RNF220: variants seen among roughly 807,000 people sequenced by gnomAD.
The protein encoded by RNF220 is ring finger protein 220.
RNF220 carries 7 observed loss-of-function variants against 67.1 expected under a neutral mutation model. That is an observed-to-expected ratio of 0.10 (90% confidence interval 0.06 to 0.20). The LOEUF (loss-of-function observed/expected upper bound fraction) is 0.20, where lower values mean the gene tolerates loss of function less well. Among genes scored for constraint, RNF220 ranks in the 10% least tolerant of loss-of-function variants. The pLI is 1.00. For missense variants in RNF220, 565 were observed against 740.3 expected, an observed-to-expected ratio of 0.76 and a Z score of 2.75; for synonymous variants, 270 against 283.2, an observed-to-expected ratio of 0.95 and a Z score of 0.47.
chr1:44,632,434 TC>T, intron 6 of RNF220, 49 bp downstream of exon 6: 3 of 978,300 alleles, frequency 3.1e-6, no homozygotes, highest in Non-Finnish European at 3.8e-6. Flanking sequence ...GCCTCCTCCC[TC>T]CCTCCCTCAC....
At chr1:44,642,189 G>T (rs990515289) in intron 8 of RNF220, among the ~76,000 whole-genome samples, 2 of 152,196 alleles carry the variant, frequency 1.3e-5, no homozygotes, top group Non-Finnish European at 2.9e-5. Context: ...TATGATTTTG[G>T]AGTTACACAG....
intron 5 of RNF220, among the ~76,000 whole-genome samples, chr1:44,628,879 G>A (rs77206682): frequency 0.23 from 34,828 of 152,072 alleles, 5,220 homozygotes; most frequent in Middle Eastern, 0.33. Context: ...GTGTGTCCTG[G>A]TTATTGCCCC....
At chr1:44,525,192 A>G (rs1306497996) in intron 2 of RNF220, among the ~76,000 whole-genome samples, 1 of 152,222 alleles carries the variant, frequency 6.6e-6, no homozygotes, top group Non-Finnish European at 1.5e-5. Flanking sequence ...AAAAAGCTGT[A>G]ACAAGAAGAT....
intron 2 of RNF220, among the ~76,000 whole-genome samples, chr1:44,552,269 A>G (rs1443723312): frequency 6.6e-6 from 1 of 152,102 alleles, no homozygotes; most frequent in Non-Finnish European, 1.5e-5. Flanking sequence ...CTGTAAGTCC[A>G]GCACTTTGGG....
At chr1:44,582,361 A>C (rs148219654) in intron 2 of RNF220, among the ~76,000 whole-genome samples, 1,614 of 152,232 alleles carry the variant, frequency 0.011, 32 homozygotes, top group African/African-American at 0.037. Flanking sequence ...TATTTAAAGG[A>C]TGGGAAAAGA....
rs895853236 is a variant in RNF220 at position 44,598,897 on chromosome 1, C to T, written c.626-15268C>T. Among the ~76,000 whole-genome samples, 13 of 152,156 alleles carry T rather than the reference C, an allele frequency of 8.5e-5. 1 individual carries two copies. The highest frequency in any genetic ancestry group is 5.2e-4 in the Admixed American group (8 of 15,270). ...GCTTCATTTAAGCAAAAGAAGGTTT[C>T]GGCATTGCCTCAATTGCCTTCCTTC... On this transcript the variant is annotated intron_variant, in intron 2 of 14. Transcript: ENST00000361799.
chr1:44,465,409 C>T (rs554223857), intron 2 of RNF220, among the ~76,000 whole-genome samples: 1 of 149,472 alleles, frequency 6.7e-6, no homozygotes, highest in South Asian at 2.1e-4. Flanking sequence ...AAAAAATGAT[C>T]AACTTTACTC....
intron 2 of RNF220, among the ~76,000 whole-genome samples, chr1:44,457,058 A>G (rs920163702): frequency 2.6e-5 from 4 of 151,924 alleles, no homozygotes; most frequent in African/African-American, 9.7e-5. Flanking sequence ...TGTAGCTCCA[A>G]TGTTAATTCC....
At chr1:44,492,808 G>A (rs114762650) in intron 2 of RNF220, among the ~76,000 whole-genome samples, 3,550 of 152,200 alleles carry the variant, frequency 0.023, 75 homozygotes, top group African/African-American at 0.057. Context: ...GATTTCAGGG[G>A]TGATGAAAAT....
intron 2 of RNF220, among the ~76,000 whole-genome samples, chr1:44,589,784 T>C (rs750015865): frequency 6.6e-6 from 1 of 152,114 alleles, no homozygotes; most frequent in Non-Finnish European, 1.5e-5. Flanking sequence ...TATATTTCTG[T>C]CTCTACCAAT....
chr1:44,589,757 C>T (rs1665983552), intron 2 of RNF220, among the ~76,000 whole-genome samples: 1 of 152,136 alleles, frequency 6.6e-6, no homozygotes, highest in Non-Finnish European at 1.5e-5. Flanking sequence ...GAGGCAAAAT[C>T]CTCATCCCTT....
chr1:44,589,395 A>G (rs938176803), intron 2 of RNF220, among the ~76,000 whole-genome samples: 2 of 152,126 alleles, frequency 1.3e-5, no homozygotes, highest in African/African-American at 4.8e-5. Flanking sequence ...TGGGCGGATC[A>G]TGAGGTCAGG....
chr1:44,551,955 C>G (rs988578374), intron 2 of RNF220, among the ~76,000 whole-genome samples: 1 of 152,194 alleles, frequency 6.6e-6, no homozygotes, highest in African/African-American at 2.4e-5. Context: ...TTGGCAGCCA[C>G]CTCCTCTGAG....
At chr1:44,508,140 A>G (rs905386955) in intron 2 of RNF220, among the ~76,000 whole-genome samples, 1 of 133,408 alleles carries the variant, frequency 7.5e-6, no homozygotes, top group Non-Finnish European at 1.6e-5. Flanking sequence ...TGTGTGGAGC[A>G]GAGGAGGAGG....
chr1:44,493,585 T>C (rs1207231526), intron 2 of RNF220, among the ~76,000 whole-genome samples: 1 of 152,140 alleles, frequency 6.6e-6, no homozygotes, highest in Admixed American at 6.5e-5. Context: ...CCCCAAGATA[T>C]CTCATTATGT....
At chr1:44,414,923 T>C (rs907582572) in intron 2 of RNF220, among the ~76,000 whole-genome samples, 1 of 149,358 alleles carries the variant, frequency 6.7e-6, no homozygotes, top group Non-Finnish European at 1.5e-5. Context: ...TTATCCAGAG[T>C]TGCATTTGTG....
chr1:44,538,668 C>G (rs1045917400), intron 2 of RNF220, among the ~76,000 whole-genome samples: 2 of 152,184 alleles, frequency 1.3e-5, no homozygotes, highest in African/African-American at 4.8e-5. Flanking sequence ...GTAATCCCAG[C>G]TCTTTGGGAG....
At chr1:44,596,875 C>T (rs369834755) in intron 2 of RNF220, among the ~76,000 whole-genome samples, 27 of 152,322 alleles carry the variant, frequency 1.8e-4, no homozygotes, top group African/African-American at 6.0e-4. Flanking sequence ...GATTGCCCAC[C>T]AGTGTTTGCC....
intron 2 of RNF220, among the ~76,000 whole-genome samples, chr1:44,450,765 C>T (rs551651000): frequency 3.8e-4 from 58 of 152,318 alleles, no homozygotes; most frequent in African/African-American, 1.3e-3. Context: ...TTGCAATCAA[C>T]GCTGCAGCGA....
Sources: gnomAD v4.1 joint callset for allele counts (sites outside exome capture counted in the v4.1 genomes callset) on GRCh38, gnomAD v4.1.1 for gene constraint, MANE v1.5 for transcripts, NCBI Gene and HGNC (gene_info 2026-07-23, HGNC 2026-07-21) for gene names.